Variants in CILP observed in about 807,000 individuals in gnomAD.
CILP encodes cartilage intermediate layer protein.
Under a neutral mutation model 82.5 loss-of-function variants are expected in CILP, and 75 were observed. The observed-to-expected ratio is 0.91, with a 90% CI of 0.75 to 1.10. The LOEUF is 1.10. CILP is among the 50% of genes least tolerant of loss of function. The pLI is 0.00. For synonymous variants in CILP, 530 were observed against 580.3 expected (o/e 0.91, Z 1.25); for missense variants, 1,479 against 1,530.8 (o/e 0.97, Z 0.56).
Position 65,205,281 on chromosome 15 carries a change from T to C in CILP, c.604+6A>G. On this transcript the variant is annotated splice_donor_region_variant and intron_variant, in intron 5 of 8. Coordinates refer to ENST00000261883, the MANE Select transcript of CILP (RefSeq NM_003613.4). ...CCCTGCCCAGTGCCAGGAGGGAGGG[T>C]GGTACCTGTACAGTCCTGGCCCATG... 6 of 1,586,504 alleles carry C rather than the reference T, an allele frequency of 3.8e-6. 1 individual carries two copies. In the South Asian group the frequency reaches 6.7e-5, roughly 18 times the overall value.
At chr15:65,199,590 A>G (rs961337100) in intron 8 of CILP, among the ~76,000 whole-genome samples, 1 of 152,228 alleles carries the variant, frequency 6.6e-6, no homozygotes, top group African/African-American at 2.4e-5. Context: ...TGGGAGGCCA[A>G]GGTGGGTGGG....
At chr15:65,199,351 G>A (rs1336829407) in intron 8 of CILP, among the ~76,000 whole-genome samples, 3 of 152,214 alleles carry the variant, frequency 2.0e-5, no homozygotes, top group Non-Finnish European at 4.4e-5. Flanking sequence ...GAAAATTTAT[G>A]AAGGTGTTTT....
Position 65,198,478 on chromosome 15 carries a change from A to C in CILP, c.1808T>G (p.Ile603Ser). 6.2e-7 allele frequency: 1 copy of C among 1,614,242 alleles called. No homozygotes were observed. The highest frequency in any genetic ancestry group is 1.3e-5 in the African/African-American group (1 of 75,052). ...VGEDPMAELEIPSRSFYRQNG... is the reference protein window; with the variant it reads ...VGEDPMAELESPSRSFYRQNG... ...CTGCCTGTAGAAACTCCTGGATGGA[A>C]TCTCCAGTTCAGCCATGGGGTCTTC... The change falls in exon 9 of 9, where the codon ATT becomes AGT. Residue 603 changes from isoleucine to serine, a missense_variant. Physicochemically the swap from Ile to Ser is moderately radical, Grantham distance 142 (BLOSUM62 -2). Transcript: ENST00000261883.
intron 8 of CILP, among the ~76,000 whole-genome samples, chr15:65,200,527 G>A (rs1443413664): frequency 6.6e-6 from 1 of 152,030 alleles, no homozygotes; most frequent in Non-Finnish European, 1.5e-5. Context: ...CCCCTGATTG[G>A]TCTTTGGCCT....
At position 65,199,500 on chromosome 15, in the gene CILP, T is replaced by G. The variant is rs574298405; in HGVS notation, c.1187-401A>C. ...CAACTTTCACATATCCCACCACTCA[T>G]TCATGTAGGTAGAAAACCTGTTTAA... On this transcript the variant is annotated intron_variant, in intron 8 of 8. Coordinates refer to ENST00000261883, the MANE Select transcript of CILP (RefSeq NM_003613.4). 2.6e-5 allele frequency among the ~76,000 whole-genome samples: 4 copies of G among 152,294 alleles called. No individual in the cohort carries two copies. The East Asian group carries it at 7.7e-4, about 29-fold the overall frequency.
chr15:65,205,328 G>T lies in CILP; in HGVS notation c.563C>A (p.Ala188Asp), dbSNP rs746525780. Residue 188 changes from alanine to aspartate, a missense_variant, in exon 5 of 9, where the codon GCC becomes GAC. Ala to Asp is a moderately radical substitution (Grantham distance 126). Coordinates refer to ENST00000261883, the MANE Select transcript of CILP (RefSeq NM_003613.4). ...LAEMVSLCSE[A>D]SEEGQHCMGQ... is the part of the protein sequence containing the mutation. Reference sequence around the variant, plus strand: ...CATGCAGTGCTGACCCTCTTCGCTGGCCTCACTGCACAGCGACACCATCTC... The same window carrying T: ...CATGCAGTGCTGACCCTCTTCGCTGTCCTCACTGCACAGCGACACCATCTC... 1.5e-5 allele frequency: 24 copies of T among 1,613,944 alleles called. No homozygotes were observed. The East Asian group carries it at 4.7e-4, about 31-fold the overall frequency.
Position 65,206,862 on chromosome 15 carries a change from T to G in CILP, c.344A>C (p.Glu115Ala), listed in dbSNP as rs759339509. ...CTCCCTGTTGAGGCACCAGAAACCC[T>G]CACGGGGACTACCATGGACCACCTG... ...TGQVVHGSPR[E>A]GFWCLNREQR... Residue 115 changes from glutamate to alanine, a missense_variant, in exon 4 of 9, where the codon GAG (glutamate) becomes GCG (alanine). Physicochemically the swap from Glu to Ala is moderately radical, Grantham distance 107. Coordinates refer to ENST00000261883, the MANE Select transcript of CILP (RefSeq NM_003613.4). The G allele has an allele frequency of 8.1e-6, 13 of 1,614,052 alleles. No individual in the cohort carries two copies. Among genetic ancestry groups the G allele is most frequent in the Non-Finnish European group, 1.1e-5 (13 of 1,180,006 alleles).
In CILP at chr15:65,197,924, A is replaced by C; in HGVS notation, c.2362T>G (p.Ser788Ala). 6.2e-7 allele frequency: 1 copy of C among 1,614,096 alleles called. No individual in the cohort carries two copies. The highest frequency in any genetic ancestry group is 1.1e-5 in the South Asian group (1 of 91,078). Residue 788 changes from serine (S) to alanine (A), a missense_variant, in exon 9 of 9, where the codon TCC (serine) becomes GCC (alanine). Transcript: ENST00000261883. ...INLEPRTGFLSNPRAWGRFDS... is the reference protein window; with the variant it reads ...INLEPRTGFLANPRAWGRFDS... ...AAGCGGCCCCAGGCCCTAGGGTTGGACAAGAAGCCAGTTCTAGGCTCCAGG... is the reference window on the plus strand; with the variant it reads ...AAGCGGCCCCAGGCCCTAGGGTTGGCCAAGAAGCCAGTTCTAGGCTCCAGG...
At chr15:65,201,297 T>G (rs532831402) in intron 8 of CILP, among the ~76,000 whole-genome samples, 1 of 151,310 alleles carries the variant, frequency 6.6e-6, no homozygotes, top group African/African-American at 2.4e-5. Flanking sequence ...CCGCCACACC[T>G]GGCCTTAGCT....
At position 65,199,001 on chromosome 15, in the gene CILP, CGT is replaced by C; in HGVS notation, c.1283_1284del (p.Asp428GlyfsTer7). 6.2e-7 allele frequency: 1 copy of C among 1,611,222 alleles called. No individual in the cohort carries two copies. Among genetic ancestry groups the C allele is most frequent in the Non-Finnish European group, 8.5e-7 (1 of 1,180,008 alleles). On this transcript the variant is annotated frameshift_variant, in exon 9 of 9. Transcript: ENST00000261883. LOFTEE classifies it high-confidence loss of function. ...FQNATNSFYY[D>X]VGRCPVKTCA... ...CAAGTCTTAACAGGGCAGCGTCCCA[CGT>C]CATAGTAGAAGGAGTTGGTGGCATT...
chr15:65,199,996 A>G (rs189607462), intron 8 of CILP, among the ~76,000 whole-genome samples: 8 of 152,202 alleles, frequency 5.3e-5, no homozygotes, highest in Admixed American at 2.6e-4. Context: ...CAACACCATT[A>G]CCCAAGGACT....
rs1157521055 is a variant in CILP, at chr15:65,205,371, T to A, written c.520A>T (p.Thr174Ser). 6.2e-7 allele frequency: 1 copy of A among 1,614,142 alleles called. No individual in the cohort carries two copies. Among genetic ancestry groups the A allele is most frequent in the African/African-American group, 1.3e-5 (1 of 75,054 alleles). ...ACGQTGVQTR[T>S]RICLAEMVSL... ...ACCATCTCTGCCAAGCAAATGCGTG[T>A]GCGAGTCTGGACCCCAGTCTGACCA... The change falls in exon 5 of 9, where the codon ACA becomes TCA. Residue 174 changes from threonine (T) to serine (S), a missense_variant. By Grantham distance (58) the Thr-to-Ser change is moderately conservative. Coordinates refer to ENST00000261883, the MANE Select transcript of CILP (RefSeq NM_003613.4).
chr15:65,207,594 C>G (rs1232742097), intron 3 of CILP, 78 bp downstream of exon 3: 6 of 1,290,718 alleles, frequency 4.6e-6, no homozygotes, highest in Non-Finnish European at 6.7e-6. Context: ...TGACATCATG[C>G]CCTGGCTTCA....
chr15:65,196,686 C>G lies in CILP; in HGVS notation c.*45G>C. 2 of 1,449,622 alleles carry G rather than the reference C, an allele frequency of 1.4e-6. No individual in the cohort carries two copies. The highest frequency in any genetic ancestry group is 1.4e-5 in the South Asian group (1 of 71,364). 89.8% of individuals were successfully genotyped at this position (1,449,622 alleles called of 1,614,324 possible). A position where few individuals can be genotyped will look rare whatever the true frequency, so the allele number is the denominator to read the frequency against. ...AGTTTGTGCATCAGTCTCACAATGG[C>G]TGTCACATGAAATGAGGGCAGAAGA... On this transcript the variant is annotated 3_prime_UTR_variant, in exon 9 of 9. Coordinates refer to ENST00000261883, the MANE Select transcript of CILP (RefSeq NM_003613.4).
At position 65,206,934 on chromosome 15, in the gene CILP, C is replaced by T. The variant is rs763830525; in HGVS notation, c.272G>A (p.Arg91Gln). ...CCAGTCAGTGGTCCGAGCCTCTAGCCGCAGGGGACGGGCACATACACGGTC... is the reference window on the plus strand; with the variant it reads ...CCAGTCAGTGGTCCGAGCCTCTAGCTGCAGGGGACGGGCACATACACGGTC... ...YGDRVCARPL[R>Q]LEARTTDWTP... Residue 91 changes from arginine to glutamine, a missense_variant, in exon 4 of 9, where the codon CGG (arginine) becomes CAG (glutamine). By Grantham distance (43) the Arg-to-Gln change is conservative. Coordinates refer to ENST00000261883, the MANE Select transcript of CILP (RefSeq NM_003613.4). The T allele has an allele frequency of 1.2e-5, 19 of 1,614,042 alleles. No individual in the cohort carries two copies. Among genetic ancestry groups the T allele is most frequent in the Middle Eastern group, 1.7e-4 (1 of 6,058 alleles).
chr15:65,202,863 T>A (rs1447184564), intron 7 of CILP, among the ~76,000 whole-genome samples: 1 of 121,992 alleles, frequency 8.2e-6, no homozygotes, highest in Non-Finnish European at 1.6e-5. Flanking sequence ...TGAGACAAGA[T>A]CACACACTGT....
chr15:65,203,330 G>A (rs2140678303), intron 7 of CILP, 32 bp downstream of exon 7: 6 of 1,469,138 alleles, frequency 4.1e-6, no homozygotes, highest in African/African-American at 1.4e-5. Flanking sequence ...TCCAGGAGGA[G>A]AATTGGGCAG....
chr15:65,208,323 G>T (rs534285968), intron 2 of CILP, among the ~76,000 whole-genome samples: 1 of 152,298 alleles, frequency 6.6e-6, no homozygotes, highest in African/African-American at 2.4e-5. Context: ...GTTTCTAACT[G>T]TGTGACTTTG....
chr15:65,197,362 C>A lies in CILP; in HGVS notation c.2924G>T (p.Gly975Val), dbSNP rs774012195. Reference sequence around the variant, plus strand: ...CTTCCCCACTGTCTGCCGATGAGTGCCCCCCATGTTGCGGGATCGCACATT... The same window carrying A: ...CTTCCCCACTGTCTGCCGATGAGTGACCCCCATGTTGCGGGATCGCACATT... ...EVNVRSRNMG[G>V]THRQTVGKLY... The change falls in exon 9 of 9, where the codon GGC (glycine) becomes GTC (valine). Residue 975 changes from glycine (G) to valine (V), a missense_variant. Coordinates refer to ENST00000261883, the MANE Select transcript of CILP (RefSeq NM_003613.4). The A allele has an allele frequency of 6.2e-7, 1 of 1,613,388 alleles. No individual in the cohort carries two copies. Among genetic ancestry groups the A allele is most frequent in the Non-Finnish European group, 8.5e-7 (1 of 1,179,356 alleles).
Sources: allele counts gnomAD v4.1 joint callset (sites outside exome capture counted in the v4.1 genomes callset), GRCh38; gene constraint gnomAD v4.1.1; transcripts MANE v1.5; gene names NCBI Gene and HGNC (gene_info 2026-07-23, HGNC 2026-07-21).